NEXMIF: variants seen among roughly 807,000 people sequenced by gnomAD.
NEXMIF encodes XLMR protein related to neurite extension.
A neutral mutation model predicts 62.1 loss-of-function variants in NEXMIF; 8 were observed. That is an observed-to-expected ratio of 0.13 (90% CI 0.08 to 0.23). NEXMIF has a LOEUF of 0.23. NEXMIF is among the 10% of genes least tolerant of loss of function. NEXMIF has a pLI of 1.00. For synonymous variants in NEXMIF, 404 were observed against 416.6 expected (o/e 0.97, Z 0.37); for missense variants, 976 against 1,113.3 (o/e 0.88, Z 1.75).
At chrX:74,798,887 G>GA (rs1386078601) in intron 1 of NEXMIF, among the ~76,000 whole-genome samples, 2 of 95,093 alleles carry the variant, frequency 2.1e-5, no homozygotes, top group Non-Finnish European at 2.1e-5. Flanking sequence ...AAGTAGAGAA[G>GA]AAAAAAGGAA....
At chrX:74,827,066 ATC>A (rs2080420803) in intron 1 of NEXMIF, among the ~76,000 whole-genome samples, 1 of 112,435 alleles carries the variant, frequency 8.9e-6, no homozygotes, top group East Asian at 2.8e-4. Context: ...ATTATAAGTA[ATC>A]ACTTTTACAT....
intron 1 of NEXMIF, among the ~76,000 whole-genome samples, chrX:74,902,752 G>A (rs1458009872): frequency 8.9e-6 from 1 of 112,114 alleles, no homozygotes; most frequent in Admixed American, 9.5e-5. Context: ...CCATGCATTT[G>A]CATTCAGACC....
intron 1 of NEXMIF, among the ~76,000 whole-genome samples, chrX:74,874,913 T>C (rs1013805332): frequency 2.0e-4 from 22 of 108,953 alleles, no homozygotes; most frequent in Admixed American, 3.0e-4. Flanking sequence ...TGGGGTTTTC[T>C]AGATATACAA....
Position 74,902,007 on chromosome X carries a change from G to A in NEXMIF, c.-48+22876C>T, listed in dbSNP as rs1295071020. 2.0e-4 allele frequency among the ~76,000 whole-genome samples: 22 copies of A among 110,995 alleles called. No individual in the cohort carries two copies. The Admixed American group carries it at 2.1e-3, about 11-fold the overall frequency. On this transcript the variant is annotated intron_variant, in intron 1 of 3. Transcript: ENST00000055682. Reference sequence around the variant, plus strand: ...CGTAGGGGAAACCAAGTGAAGGGATGCAAACTGGCTCCCAGTGGGATGAGT... The same window carrying A: ...CGTAGGGGAAACCAAGTGAAGGGATACAAACTGGCTCCCAGTGGGATGAGT...
intron 1 of NEXMIF, among the ~76,000 whole-genome samples, chrX:74,825,695 C>G (rs1422051472): frequency 8.9e-6 from 1 of 111,754 alleles, no homozygotes; most frequent in African/African-American, 3.3e-5. Context: ...GCTGGGATTA[C>G]AGGCGCCCAC....
chrX:74,885,524 C>T lies in NEXMIF; in HGVS notation c.-48+39359G>A, dbSNP rs750358762. Reference sequence around the variant, plus strand: ...TCAGAGAATACTATAAACACCTCTACGCAAATAAACTAGAAAATCTAGAAG... The same window carrying T: ...TCAGAGAATACTATAAACACCTCTATGCAAATAAACTAGAAAATCTAGAAG... On this transcript the variant is annotated intron_variant, in intron 1 of 3. Transcript: ENST00000055682. Among the ~76,000 whole-genome samples the T allele has an allele frequency of 7.2e-5, 8 of 111,197 alleles. No individual in the cohort carries two copies. In the East Asian group the frequency reaches 8.4e-4, roughly 12 times the overall value.
At chrX:74,757,966 C>T (rs1042252698) in intron 1 of NEXMIF, among the ~76,000 whole-genome samples, 2 of 111,585 alleles carry the variant, frequency 1.8e-5, no homozygotes, top group Non-Finnish European at 3.8e-5. Context: ...TTCATTTAGT[C>T]GTGTTAGCCA....
At chrX:74,789,165 C>G (rs1245332550) in intron 1 of NEXMIF, among the ~76,000 whole-genome samples, 1 of 91,790 alleles carries the variant, frequency 1.1e-5, no homozygotes, top group African/African-American at 4.0e-5. Flanking sequence ...TGATATTCCC[C>G]TTCCTGTGTC....
chrX:74,886,052 T>C (rs1425591063), intron 1 of NEXMIF, among the ~76,000 whole-genome samples: 2 of 111,977 alleles, frequency 1.8e-5, no homozygotes, highest in Non-Finnish European at 3.8e-5. Context: ...AAAAACCACA[T>C]GGTTATCTCA....
chrX:74,866,493 G>T (rs1404815572), intron 1 of NEXMIF, among the ~76,000 whole-genome samples: 1 of 112,016 alleles, frequency 8.9e-6, no homozygotes, highest in Non-Finnish European at 1.9e-5. Context: ...AATGAGTTAA[G>T]ACTTTGGGGG....
rs2080079227 is a variant in NEXMIF, at chrX:74,733,994, AC to A, written c.*5410del. On this transcript the variant is annotated 3_prime_UTR_variant, in exon 4 of 4. Coordinates refer to ENST00000055682, the MANE Select transcript of NEXMIF (RefSeq NM_001008537.3). ...CTTACAAAATATGTTACAAATTGGC[AC>A]ACTTAAAAATATACAAGATTTTGTA... is the stretch of plus-strand genomic sequence containing the variant. The A allele has an allele frequency of 1.8e-5, 2 of 112,222 alleles. No homozygotes were observed. Among genetic ancestry groups the A allele is most frequent in the Non-Finnish European group, 3.8e-5 (2 of 53,161 alleles). The allele number at this position is 112,222 out of a possible 1,213,427, so 9.2% of individuals were successfully genotyped here. A position where few individuals can be genotyped will look rare whatever the true frequency, so the allele number is the denominator to read the frequency against.
intron 1 of NEXMIF, among the ~76,000 whole-genome samples, chrX:74,872,765 A>T (rs765361979): frequency 1.4e-4 from 15 of 109,686 alleles, no homozygotes; most frequent in South Asian, 3.9e-4. Context: ...GCATTCCTGT[A>T]TCAAAATATC....
rs759758425 is a variant in NEXMIF at position 74,740,127 on chromosome X, G to A, written c.4430C>T (p.Ser1477Phe). 1 of 1,210,746 alleles carries A rather than the reference G, an allele frequency of 8.3e-7. No individual in the cohort carries two copies. Among genetic ancestry groups the A allele is most frequent in the South Asian group, 1.8e-5 (1 of 56,916 alleles). The change falls in exon 3 of 4, where the codon TCT (serine) becomes TTT (phenylalanine). Residue 1477 changes from serine (S) to phenylalanine (F), a missense_variant. Physicochemically the swap from Ser to Phe is radical, Grantham distance 155. This residue lies in a region of NEXMIF where 137 missense variants were observed against 128.9 expected (regional missense o/e 1.06). Transcript: ENST00000055682. The stretch of plus-strand genomic sequence containing the variant: ...CAGTTTTTCAAAAGAAGCTGTCCCA[G>A]ACTCATCCTTGTGGACCTGTTCTCG... ...MEREQVHKDE[S>F]GTASFEKLRD...
At chrX:74,766,278 A>G (rs1000008073) in intron 1 of NEXMIF, among the ~76,000 whole-genome samples, 1 of 111,465 alleles carries the variant, frequency 9.0e-6, no homozygotes, top group Non-Finnish European at 1.9e-5. Flanking sequence ...GACTGTTGGC[A>G]TCTCTAGTAA....
chrX:74,897,647 G>A (rs186609761), intron 1 of NEXMIF, among the ~76,000 whole-genome samples: 119 of 111,671 alleles, frequency 1.1e-3, no homozygotes, highest in Non-Finnish European at 1.8e-3. Flanking sequence ...CATGAGGAAT[G>A]TGTAAAGGAA....
At chrX:74,887,732 G>T (rs565049484) in intron 1 of NEXMIF, among the ~76,000 whole-genome samples, 1 of 111,678 alleles carries the variant, frequency 9.0e-6, no homozygotes, top group Non-Finnish European at 1.9e-5. Context: ...TGTGGAAGTC[G>T]GTGTGGTGAT....
chrX:74,911,824 G>C (rs1336141329), intron 1 of NEXMIF, among the ~76,000 whole-genome samples: 1 of 112,062 alleles, frequency 8.9e-6, no homozygotes, highest in Non-Finnish European at 1.9e-5. Context: ...TGCACATACA[G>C]GTCTTGCTAA....
rs1036857724 is a variant in NEXMIF at position 74,803,005 on chromosome X, TAC to T, written c.-47-57310_-47-57309del. Among the ~76,000 whole-genome samples, 3 of 109,008 alleles carry T rather than the reference TAC, an allele frequency of 2.8e-5. No homozygotes were observed. In the Admixed American group the frequency reaches 3.0e-4, roughly 11 times the overall value. The allele number at this position is 109,008 out of a possible 115,157, so 94.7% of individuals were successfully genotyped here. ...AGCTCGAAGACAGGCTATTTGAAAA[TAC>T]ACAGTCAGAGGAGACAAAAGAAAAA... On this transcript the variant is annotated intron_variant, in intron 1 of 3. Coordinates refer to ENST00000055682, the MANE Select transcript of NEXMIF (RefSeq NM_001008537.3).
rs1325631486 is a variant in NEXMIF at position 74,740,519 on chromosome X, C to A, written c.4038G>T (p.Glu1346Asp). The A allele has an allele frequency of 1.7e-6, 2 of 1,209,655 alleles. No homozygotes were observed. Among genetic ancestry groups the A allele is most frequent in the African/African-American group, 3.5e-5 (2 of 57,141 alleles). The change falls in exon 3 of 4, where the codon GAG becomes GAT. Residue 1346 changes from glutamate (E) to aspartate (D), a missense_variant. By Grantham distance (45) the Glu-to-Asp change is conservative. Coordinates refer to ENST00000055682, the MANE Select transcript of NEXMIF (RefSeq NM_001008537.3). ...ASIEPLWEPMEHHGDPNIFYS... is the reference protein window; with the variant it reads ...ASIEPLWEPMDHHGDPNIFYS... ...AGAATATGTTGGGATCCCCATGGTGCTCCATGGGTTCCCAAAGGGGCTCTA... is the reference window on the plus strand; with the variant it reads ...AGAATATGTTGGGATCCCCATGGTGATCCATGGGTTCCCAAAGGGGCTCTA...
Sources: allele counts gnomAD v4.1 joint callset (sites outside exome capture counted in the v4.1 genomes callset), GRCh38; gene constraint gnomAD v4.1.1; regional missense constraint gnomAD v4.1.1; transcripts MANE v1.5; gene names NCBI Gene and HGNC (gene_info 2026-07-23, HGNC 2026-07-21).